The following WDPCP variants were observed in gnomAD, a reference collection of about 807,000 sequenced individuals.
The protein encoded by WDPCP is WD repeat containing planar cell polarity effector, also known as WD repeat-containing and planar cell polarity effector protein fritz homolog.
Under a neutral mutation model 93.1 loss-of-function variants are expected in WDPCP, and 71 were observed. The observed-to-expected ratio is 0.76, with a 90% CI of 0.63 to 0.93. WDPCP has a LOEUF of 0.93. WDPCP is among the 40% of genes least tolerant of loss of function. The pLI, the probability that WDPCP is intolerant of heterozygous loss-of-function variation, is 0.00. For missense variants in WDPCP, 844 were observed against 887.4 expected (o/e 0.95, Z 0.62); for synonymous variants, 315 against 315.0 (o/e 1.00, Z 0.00).
intron 14 of WDPCP, among the ~76,000 whole-genome samples, chr2:63,184,045 T>C (rs1347828794): frequency 6.6e-6 from 1 of 152,130 alleles, no homozygotes; most frequent in Admixed American, 6.6e-5. Context: ...TTATAGTTCT[T>C]ATGAAAATAT....
At chr2:63,437,172 T>C (rs180786879) in intron 8 of WDPCP, among the ~76,000 whole-genome samples, 1 of 151,994 alleles carries the variant, frequency 6.6e-6, no homozygotes, top group Non-Finnish European at 1.5e-5. Context: ...CTATTATCTG[T>C]CTTTGATGTC....
intron 12 of WDPCP, among the ~76,000 whole-genome samples, chr2:63,332,558 C>T (rs1468128530): frequency 3.3e-5 from 5 of 152,064 alleles, no homozygotes; most frequent in African/African-American, 9.7e-5. Context: ...CTCTTCAAAT[C>T]TTCTGTCCAT....
chr2:63,329,276 A>G (rs1259243247), intron 12 of WDPCP, among the ~76,000 whole-genome samples: 1 of 152,182 alleles, frequency 6.6e-6, no homozygotes, highest in African/African-American at 2.4e-5. Flanking sequence ...TATGAGTGGA[A>G]TAAGTCATAT....
intron 11 of WDPCP, among the ~76,000 whole-genome samples, chr2:63,380,388 T>G (rs962102899): frequency 8.5e-5 from 13 of 152,118 alleles, no homozygotes; most frequent in South Asian, 2.1e-4. Flanking sequence ...TAACTAATAC[T>G]CATTGAGTAC....
At chr2:63,334,785 G>A (rs1453316009) in intron 12 of WDPCP, among the ~76,000 whole-genome samples, 1 of 152,140 alleles carries the variant, frequency 6.6e-6, no homozygotes. Flanking sequence ...GTTGGAAACT[G>A]AGTCACACGA....
upstream of WDPCP, among the ~76,000 whole-genome samples, chr2:63,592,536 G>A (rs1575719655): frequency 1.3e-5 from 2 of 152,072 alleles, no homozygotes; most frequent in Admixed American, 6.6e-5. Context: ...TTAAGAGACA[G>A]GGTTTCACTA....
At chr2:63,447,810 G>T (rs1338583701) in intron 6 of WDPCP, among the ~76,000 whole-genome samples, 1 of 151,940 alleles carries the variant, frequency 6.6e-6, no homozygotes, top group Non-Finnish European at 1.5e-5. Context: ...TATGTATAGA[G>T]TGATTCCATT....
chr2:63,455,706 A>G (rs1390925787), intron 6 of WDPCP, among the ~76,000 whole-genome samples: 1 of 152,212 alleles, frequency 6.6e-6, no homozygotes, highest in Non-Finnish European at 1.5e-5. Flanking sequence ...ATCTAATGAA[A>G]GAGACAGACT....
chr2:63,587,028 C>T (rs1708888789), intron 1 of WDPCP, among the ~76,000 whole-genome samples: 1 of 152,178 alleles, frequency 6.6e-6, no homozygotes, highest in African/African-American at 2.4e-5. Flanking sequence ...AGGACAACAA[C>T]ATGGAAAAAT....
intron 17 of WDPCP, among the ~76,000 whole-genome samples, chr2:63,146,131 T>C (rs1439251391): frequency 6.6e-6 from 1 of 152,176 alleles, no homozygotes; most frequent in African/African-American, 2.4e-5. Flanking sequence ...TCTCTAGATA[T>C]AGGACGATGT....
chr2:63,190,645 C>T (rs1674975047), intron 14 of WDPCP, among the ~76,000 whole-genome samples: 1 of 151,944 alleles, frequency 6.6e-6, no homozygotes, highest in African/African-American at 2.4e-5. Context: ...TATTTTAAAT[C>T]TGATAGTCTT....
chr2:63,414,665 G>A (rs12473300), intron 9 of WDPCP, among the ~76,000 whole-genome samples: 60,659 of 151,952 alleles, frequency 0.4, 12,424 homozygotes, highest in Non-Finnish European at 0.43. Flanking sequence ...TGATATGTGG[G>A]AGCTAAGTTA....
In WDPCP at chr2:63,404,089, C is replaced by A. The variant is rs777486236; in HGVS notation, c.1394G>T (p.Arg465Met). 6.2e-7 allele frequency: 1 copy of A among 1,614,058 alleles called. No individual in the cohort carries two copies. The highest frequency in any genetic ancestry group is 2.2e-5 in the East Asian group (1 of 44,880). The change falls in exon 10 of 18, where the codon AGG becomes ATG. Residue 465 changes from arginine (R) to methionine (M), a missense_variant. Transcript: ENST00000272321. ...GSDIYDLLFLRFERGPLGVLL... is the reference protein window; with the variant it reads ...GSDIYDLLFLMFERGPLGVLL... ...CACACCCAAAGGTCCTCTTTCAAAC[C>A]TGAGGAAGAGGAGATCATAGATATC...
chr2:63,161,261 C>G (rs1202515764), intron 15 of WDPCP, among the ~76,000 whole-genome samples: 1 of 152,186 alleles, frequency 6.6e-6, no homozygotes, highest in Admixed American at 6.5e-5. Flanking sequence ...AAGACAAAAG[C>G]ATCTATTATT....
At chr2:63,403,564 C>T (rs1694317047) in intron 10 of WDPCP, 1 of 154,094 alleles carries the variant, frequency 6.5e-6, no homozygotes, top group African/African-American at 2.4e-5. Context: ...ATACAGGTAT[C>T]TTCAGCAAAT....
At chr2:63,176,703 T>C (rs1673838271) in intron 14 of WDPCP, among the ~76,000 whole-genome samples, 1 of 152,232 alleles carries the variant, frequency 6.6e-6, no homozygotes, top group Non-Finnish European at 1.5e-5. Flanking sequence ...CTGTTCACTT[T>C]ATTGGTACTT....
chr2:63,604,356 A>G (rs1709487122), intron 3 of WDPCP, among the ~76,000 whole-genome samples: 3 of 152,268 alleles, frequency 2.0e-5, no homozygotes, highest in South Asian at 4.1e-4. Context: ...TCACATTTAC[A>G]TATTCAAGAA....
At chr2:63,390,698 A>C (rs543453688) in intron 10 of WDPCP, among the ~76,000 whole-genome samples, 1 of 152,346 alleles carries the variant, frequency 6.6e-6, no homozygotes, top group South Asian at 2.1e-4. Flanking sequence ...GATGCAATAA[A>C]AAATGATAAA....
intron 13 of WDPCP, among the ~76,000 whole-genome samples, chr2:63,277,436 C>G (rs1683173574): frequency 6.6e-6 from 1 of 152,140 alleles, no homozygotes; most frequent in Non-Finnish European, 1.5e-5. Flanking sequence ...GGCCTAAATG[C>G]TTCACTTAAA....
Sources: gnomAD v4.1 joint callset for allele counts (sites outside exome capture counted in the v4.1 genomes callset) on GRCh38, gnomAD v4.1.1 for gene constraint, MANE v1.5 for transcripts, NCBI Gene and HGNC (gene_info 2026-07-23, HGNC 2026-07-21) for gene names.